Variants in ZNF251 observed in about 807,000 individuals in gnomAD.
The protein encoded by ZNF251 is zinc finger protein 251.
A neutral mutation model predicts 13.5 loss-of-function variants in ZNF251; 14 were observed. That is an observed-to-expected ratio of 1.04 (90% CI 0.69 to 1.63). The LOEUF is 1.63. Among genes scored for constraint, ZNF251 ranks in the 40% most tolerant of loss-of-function variants. The probability of loss-of-function intolerance (pLI) is 0.00; values close to 1 mark genes in which losing one functional copy is unlikely to be tolerated. For missense variants in ZNF251, 764 were observed against 834.9 expected, an observed-to-expected ratio of 0.92 and a Z score of 1.05; for synonymous variants, 287 against 295.2, an observed-to-expected ratio of 0.97 and a Z score of 0.28.
chr8:144,754,474 C>G lies in ZNF251; in HGVS notation c.34-153G>C, dbSNP rs1586714275. On this transcript the variant is annotated intron_variant, in intron 2 of 4. Coordinates refer to ENST00000292562, the MANE Select transcript of ZNF251 (RefSeq NM_138367.2). The stretch of plus-strand genomic sequence containing the variant: ...AGGTCCCTGATGGGGCAGCTGAGAG[C>G]GCTGAGGACCAGCCAACTTCAGCTA... 6 of 1,444,518 alleles carry G rather than the reference C, an allele frequency of 4.2e-6. No homozygotes were observed. In the East Asian group the frequency reaches 1.5e-4, roughly 36 times the overall value. 89.5% of individuals were successfully genotyped at this position (1,444,518 alleles called of 1,614,324 possible). A position where few individuals can be genotyped will look rare whatever the true frequency, so the allele number is the denominator to read the frequency against.
In ZNF251 at chr8:144,722,025, T is replaced by C. The variant is rs373620928; in HGVS notation, c.1635A>G (p.Arg545=). ...GQIPTGEKHG[R]AFNHGANLIL... is the part of the protein sequence containing the mutation. ...TGAGATTTGCACCATGGTTAAAGGC[T>C]CTGCCGTGCTTCTCTCCAGTGGGAA... Residue 545 remains arginine, a synonymous_variant, in exon 5 of 5, where the codon AGA becomes AGG. Coordinates refer to ENST00000292562, the MANE Select transcript of ZNF251 (RefSeq NM_138367.2). This position sits in a 1 kb window ranked among gnomAD's most constrained non-coding sequence, Gnocchi z 4.8. 3.7e-6 allele frequency: 6 copies of C among 1,608,566 alleles called. No homozygotes were observed. In the African/African-American group the frequency reaches 8.0e-5, roughly 21 times the overall value.
intron 2 of ZNF251, 84 bp downstream of exon 2, chr8:144,754,612 G>A: frequency 6.6e-7 from 1 of 1,508,284 alleles, no homozygotes; most frequent in Non-Finnish European, 8.8e-7. Flanking sequence ...ACCAGTTGCC[G>A]GGCTCACGGC....
chr8:144,735,595 C>T (rs1393356228), intron 4 of ZNF251, among the ~76,000 whole-genome samples: 5 of 151,990 alleles, frequency 3.3e-5, no homozygotes, highest in East Asian at 1.9e-4. Flanking sequence ...AAAGCACTGA[C>T]GAGGTCACGG....
chr8:144,733,056 C>T (rs1219758663), intron 4 of ZNF251, among the ~76,000 whole-genome samples: 2 of 150,868 alleles, frequency 1.3e-5, no homozygotes, highest in Non-Finnish European at 3.0e-5. Context: ...ACCCTGTCTC[C>T]ACTAAAAATA....
chr8:144,755,235 C>T (rs1257237958), intron 1 of ZNF251, 170 bp downstream of exon 1: 3 of 1,186,902 alleles, frequency 2.5e-6, no homozygotes, highest in Non-Finnish European at 3.2e-6. Context: ...GTCCAGCCTT[C>T]TAGGGCCGCG....
chr8:144,722,852 A>G lies in ZNF251; in HGVS notation c.808T>C (p.Cys270Arg). ...TGNKPFKCDE[C>R]GKTFGLNSHL... is the part of the protein sequence containing the mutation. ...GAATTGAGTCCAAAAGTTTTCCCAC[A>G]TTCATCACATTTAAATGGTTTATTT... Residue 270 changes from cysteine (C) to arginine (R), a missense_variant, in exon 5 of 5, where the codon TGT becomes CGT. Cys to Arg is a radical substitution (Grantham distance 180, BLOSUM62 -3). Transcript: ENST00000292562. This position sits in a 1 kb window ranked among gnomAD's most constrained non-coding sequence, Gnocchi z 4.8. The G allele has an allele frequency of 6.2e-7, 1 of 1,614,022 alleles. No homozygotes were observed. The highest frequency in any genetic ancestry group is 8.5e-7 in the Non-Finnish European group (1 of 1,179,890).
intron 4 of ZNF251, among the ~76,000 whole-genome samples, chr8:144,741,917 G>C (rs986025519): frequency 7.2e-5 from 11 of 152,180 alleles, no homozygotes; most frequent in Non-Finnish European, 1.3e-4. Context: ...GAATGGTACA[G>C]AAAGAAATGT....
At chr8:144,735,278 T>C (rs184334129) in intron 4 of ZNF251, among the ~76,000 whole-genome samples, 2 of 150,478 alleles carry the variant, frequency 1.3e-5, no homozygotes, top group East Asian at 3.9e-4. Flanking sequence ...TCCCAGCTAC[T>C]TGGGAGGCTG....
At position 144,722,454 on chromosome 8, in the gene ZNF251, C is replaced by T; in HGVS notation, c.1206G>A (p.Glu402=). ...LFLHHRVHTG[E]KPYVCNECGR... ...CGCATTCATTACATACATAGGGTTTCTCTCCAGTATGAACCCGATGATGGA... is the reference window on the plus strand; with the variant it reads ...CGCATTCATTACATACATAGGGTTTTTCTCCAGTATGAACCCGATGATGGA... The change falls in exon 5 of 5, where the codon GAG becomes GAA. Residue 402 remains glutamate, a synonymous_variant. Coordinates refer to ENST00000292562, the MANE Select transcript of ZNF251 (RefSeq NM_138367.2). This position sits in a 1 kb window ranked among gnomAD's most constrained non-coding sequence, Gnocchi z 4.8. 1 of 1,614,076 alleles carries T rather than the reference C, an allele frequency of 6.2e-7. No homozygotes were observed. The highest frequency in any genetic ancestry group is 1.1e-5 in the South Asian group (1 of 91,086).
chr8:144,734,916 A>G lies in ZNF251; in HGVS notation c.278-11534T>C, dbSNP rs1823832941. ...CAGAGAAACCCCGTCTCTACTAAAA[A>G]TACAAAAATTAGCCAGACGTGGTGG... On this transcript the variant is annotated intron_variant, in intron 4 of 4. Coordinates refer to ENST00000292562, the MANE Select transcript of ZNF251 (RefSeq NM_138367.2). The surrounding 1 kb of genome is among the most constrained non-coding windows in gnomAD (Gnocchi z 4.4). 6.6e-6 allele frequency among the ~76,000 whole-genome samples: 1 copy of G among 151,866 alleles called. No homozygotes were observed. The highest frequency in any genetic ancestry group is 2.4e-5 in the African/African-American group (1 of 41,300).
intron 4 of ZNF251, among the ~76,000 whole-genome samples, chr8:144,752,653 C>A (rs1824751079): frequency 6.6e-6 from 1 of 152,122 alleles, no homozygotes; most frequent in Non-Finnish European, 1.5e-5. Flanking sequence ...TTTTCACGAG[C>A]CTTTCTGAAT....
intron 4 of ZNF251, among the ~76,000 whole-genome samples, chr8:144,726,537 A>AAAT (rs1165426356): frequency 2.0e-5 from 3 of 151,676 alleles, no homozygotes; most frequent in African/African-American, 4.8e-5. Flanking sequence ...CTCTGTCTCA[A>AAAT]AATAATAATA....
intron 4 of ZNF251, chr8:144,738,756 G>A (rs1288761206): frequency 1.0e-6 from 1 of 984,686 alleles, no homozygotes; most frequent in Non-Finnish European, 1.2e-6. Flanking sequence ...CCTCGTGGGG[G>A]CACCTGTTTG....
chr8:144,754,422 T>C (rs1824856455), intron 2 of ZNF251, 101 bp from the exon 3 acceptor site: 2 of 1,463,046 alleles, frequency 1.4e-6, no homozygotes, highest in South Asian at 1.4e-5. Flanking sequence ...AGGGCCCTGC[T>C]GTGGTCAGTA....
intron 4 of ZNF251, among the ~76,000 whole-genome samples, chr8:144,729,518 AG>A (rs1823630269): frequency 6.6e-6 from 1 of 151,750 alleles, no homozygotes; most frequent in African/African-American, 2.4e-5. Flanking sequence ...TTGTATTTTT[AG>A]TAGAGACGGG....
At chr8:144,726,797 G>A (rs938612029) in intron 4 of ZNF251, among the ~76,000 whole-genome samples, 23 of 152,204 alleles carry the variant, frequency 1.5e-4, no homozygotes, top group African/African-American at 5.3e-4. Context: ...GTGAACCCGG[G>A]AGGCGGAGCT....
chr8:144,723,611 T>A (rs1298431160), intron 4 of ZNF251, among the ~76,000 whole-genome samples: 1 of 152,206 alleles, frequency 6.6e-6, no homozygotes, highest in African/African-American at 2.4e-5. Context: ...ATTACGATTT[T>A]TCACCTATCA....
intron 4 of ZNF251, among the ~76,000 whole-genome samples, chr8:144,742,238 A>G (rs918687150): frequency 1.3e-5 from 2 of 152,034 alleles, no homozygotes; most frequent in East Asian, 3.9e-4. Flanking sequence ...AAATAAAGGT[A>G]CTTTCATACA....
chr8:144,744,730 A>G (rs1315618525), intron 4 of ZNF251, among the ~76,000 whole-genome samples: 1 of 152,194 alleles, frequency 6.6e-6, no homozygotes, highest in Non-Finnish European at 1.5e-5. Flanking sequence ...CCATGCTAAC[A>G]CACTGATCTC....
Sources: allele counts gnomAD v4.1 joint callset (sites outside exome capture counted in the v4.1 genomes callset), GRCh38; gene constraint gnomAD v4.1.1; non-coding constraint Gnocchi (gnomAD v3.1); transcripts MANE v1.5; gene names NCBI Gene and HGNC (gene_info 2026-07-23, HGNC 2026-07-21).